Variants in PCDHGA4 observed in about 807,000 individuals in gnomAD.
PCDHGA4 encodes protocadherin gamma-A4.
A neutral mutation model predicts 54.6 loss-of-function variants in PCDHGA4; 38 were observed. That is an observed-to-expected ratio of 0.70 (90% CI 0.54 to 0.91). PCDHGA4 has a LOEUF of 0.91. Ranked by LOEUF, PCDHGA4 falls within the 40% of genes least tolerant of loss-of-function variation. The probability of loss-of-function intolerance (pLI) is 0.00; values close to 1 mark genes in which losing one functional copy is unlikely to be tolerated. For synonymous variants in PCDHGA4, 511 were observed against 512.9 expected, an observed-to-expected ratio of 1.00 and a Z score of 0.05; for missense variants, 1,298 against 1,220.9, an observed-to-expected ratio of 1.06 and a Z score of -0.94.
intron 1 of PCDHGA4, chr5:141,419,960 G>A (rs773071584): frequency 5.0e-6 from 8 of 1,613,960 alleles, no homozygotes; most frequent in South Asian, 4.4e-5. Context: ...CTTGATTTCT[G>A]TGCTCTTTCT....
intron 1 of PCDHGA4, chr5:141,404,969 G>T (rs2094589920): frequency 6.2e-7 from 1 of 1,613,964 alleles, no homozygotes; most frequent in East Asian, 2.2e-5. Context: ...AGACATCCTG[G>T]CTGACCTGGG....
intron 1 of PCDHGA4, chr5:141,429,208 G>A (rs568951026): frequency 5.4e-4 from 77 of 142,568 alleles, no homozygotes; most frequent in African/African-American, 1.9e-3. Context: ...ACACACACGT[G>A]TGAAAAGTGG....
At chr5:141,444,119 T>G (rs1236466434) in intron 1 of PCDHGA4, among the ~76,000 whole-genome samples, 4 of 146,736 alleles carry the variant, frequency 2.7e-5, no homozygotes, top group African/African-American at 1.0e-4. Context: ...AAGTGAAGTA[T>G]CTCAACAGAT....
At position 141,477,498 on chromosome 5, in the gene PCDHGA4, C is replaced by T. The variant is rs754212608; in HGVS notation, c.2515-17309C>T. ...AACCCTCCACAATCTTCTCAATCTT[C>T]CTACGACGTTTACATTGAAGAAAAC... On this transcript the variant is annotated intron_variant, in intron 1 of 3. Coordinates refer to ENST00000571252, the MANE Select transcript of PCDHGA4 (RefSeq NM_018917.4). The surrounding 1 kb of genome is among the most constrained non-coding windows in gnomAD (Gnocchi z 4.9). 3.7e-6 allele frequency: 6 copies of T among 1,614,038 alleles called. No individual in the cohort carries two copies. The highest frequency in any genetic ancestry group is 5.1e-6 in the Non-Finnish European group (6 of 1,180,038).
intron 1 of PCDHGA4, chr5:141,386,033 G>A (rs1205491473): frequency 1.3e-5 from 2 of 152,154 alleles, no homozygotes; most frequent in Admixed American, 6.6e-5. Flanking sequence ...TTGTGACATA[G>A]GCAATTACAT....
At chr5:141,414,897 C>A (rs2095799678) in intron 1 of PCDHGA4, 7 of 1,614,230 alleles carry the variant, frequency 4.3e-6, no homozygotes, top group Non-Finnish European at 5.9e-6. Flanking sequence ...TCCCCACAGA[C>A]GGTTCCACAG....
chr5:141,439,796 G>A (rs980000701), intron 1 of PCDHGA4: 1 of 152,318 alleles, frequency 6.6e-6, no homozygotes. Flanking sequence ...AATCCAAGAA[G>A]AGTTTGAAAA....
Position 141,487,003 on chromosome 5 carries a change from C to T in PCDHGA4, c.2515-7804C>T. The stretch of plus-strand genomic sequence containing the variant: ...ACAATGCTTGGGTTTCCTATCAGCT[C>T]CTGGAGGCCCCAGATCCCAGCCTGT... On this transcript the variant is annotated intron_variant, in intron 1 of 3. Transcript: ENST00000571252. The surrounding 1 kb of genome is among the most constrained non-coding windows in gnomAD (Gnocchi z 5.0). 1 of 1,614,228 alleles carries T rather than the reference C, an allele frequency of 6.2e-7. No homozygotes were observed.
chr5:141,370,388 G>C (rs10052885), intron 1 of PCDHGA4: 2 of 1,542,252 alleles, frequency 1.3e-6, no homozygotes, highest in South Asian at 1.3e-5. Context: ...AAGGCGCAGA[G>C]AGCGGGATGG....
At chr5:141,456,599 A>T (rs2098870253) in intron 1 of PCDHGA4, among the ~76,000 whole-genome samples, 1 of 152,174 alleles carries the variant, frequency 6.6e-6, no homozygotes, top group African/African-American at 2.4e-5. Flanking sequence ...TTTTGATTTG[A>T]TTTTTAAGTC....
intron 1 of PCDHGA4, among the ~76,000 whole-genome samples, chr5:141,363,859 G>A (rs997046368): frequency 3.9e-5 from 6 of 152,132 alleles, no homozygotes; most frequent in Non-Finnish European, 8.8e-5. Flanking sequence ...ACTAAATATA[G>A]ATAAGAGGTA....
At position 141,365,518 on chromosome 5, in the gene PCDHGA4, G is replaced by T. The variant is rs1763970946; in HGVS notation, c.2514+7897G>T. 5 of 1,613,870 alleles carry T rather than the reference G, an allele frequency of 3.1e-6. No individual in the cohort carries two copies. The Middle Eastern group carries it at 4.9e-4, about 160-fold the overall frequency. On this transcript the variant is annotated intron_variant, in intron 1 of 3. Transcript: ENST00000571252. The stretch of plus-strand genomic sequence containing the variant: ...GGAATTTGCCTTTTAAATTGGAGAA[G>T]TCAGTTGATAATTACTATCACCTAT...
chr5:141,405,575 G>T, intron 1 of PCDHGA4: 2 of 598,040 alleles, frequency 3.3e-6, no homozygotes, highest in Non-Finnish European at 5.9e-6. Flanking sequence ...GAGTAGAGTA[G>T]CTGGGACTAC....
intron 1 of PCDHGA4, among the ~76,000 whole-genome samples, chr5:141,480,875 T>C (rs1285607270): frequency 6.6e-6 from 1 of 152,062 alleles, no homozygotes; most frequent in African/African-American, 2.4e-5. Context: ...TGAAACCCCG[T>C]CTCTACTAAA....
intron 1 of PCDHGA4, among the ~76,000 whole-genome samples, chr5:141,435,017 C>T (rs1477938779): frequency 1.3e-5 from 2 of 151,994 alleles, no homozygotes; most frequent in Middle Eastern, 3.2e-3. Flanking sequence ...AATGATAATG[C>T]TCTTTTCCCA....
chr5:141,443,618 G>A (rs901899343), intron 1 of PCDHGA4, among the ~76,000 whole-genome samples: 2 of 152,178 alleles, frequency 1.3e-5, no homozygotes, highest in Non-Finnish European at 2.9e-5. Context: ...TTATAATCAG[G>A]TGATTGTAAA....
At chr5:141,366,349 T>C in intron 1 of PCDHGA4, 1 of 1,613,938 alleles carries the variant, frequency 6.2e-7, no homozygotes, top group Non-Finnish European at 8.5e-7. Context: ...ACATCCTGGC[T>C]GACCTAGGCA....
At chr5:141,421,483 A>C in intron 1 of PCDHGA4, 4 of 1,614,128 alleles carry the variant, frequency 2.5e-6, no homozygotes, top group Non-Finnish European at 3.4e-6. Context: ...CGGCAGCTTG[A>C]TCACGGCAGG....
At chr5:141,462,980 G>T (rs1249102130) in intron 1 of PCDHGA4, among the ~76,000 whole-genome samples, 1 of 152,006 alleles carries the variant, frequency 6.6e-6, no homozygotes, top group Non-Finnish European at 1.5e-5. Flanking sequence ...AGTAACTTTT[G>T]CCTTGGGCTA....
Sources: gnomAD v4.1 joint callset for allele counts (sites outside exome capture counted in the v4.1 genomes callset) on GRCh38, gnomAD v4.1.1 for gene constraint, Gnocchi (gnomAD v3.1) non-coding constraint, MANE v1.5 for transcripts, NCBI Gene and HGNC (gene_info 2026-07-23, HGNC 2026-07-21) for gene names.